LOC128125822: variants seen among roughly 807,000 people sequenced by gnomAD.
chr6:63,581,520 A>C, the LOC128125822 span: 3 of 152,432 alleles, frequency 2.0e-5, no homozygotes, highest in Non-Finnish European at 2.9e-5. Flanking sequence ...CACTTCACTT[A>C]ATGTGTGTCC....
chr6:63,579,360 ACT>A, the LOC128125822 span: 63 of 1,510,104 alleles, frequency 4.2e-5, no homozygotes, highest in East Asian at 2.6e-4. Flanking sequence ...TTTCATTTGT[ACT>A]CTCTTTCATT....
chr6:63,581,401 A>C, the LOC128125822 span: 1 of 152,592 alleles, frequency 6.6e-6, no homozygotes, highest in African/African-American at 2.4e-5. Flanking sequence ...CAGCTTGTAA[A>C]AACTTAGTGC....
At chr6:63,579,837 T>G in the LOC128125822 span, among the ~76,000 whole-genome samples, 1 of 152,172 alleles carries the variant, frequency 6.6e-6, no homozygotes, top group Non-Finnish European at 1.5e-5. Context: ...GAGTCGACTG[T>G]TGTAACCAAT....
chr6:63,578,688 G>T, the LOC128125822 span, among the ~76,000 whole-genome samples: 6 of 152,102 alleles, frequency 3.9e-5, no homozygotes, highest in African/African-American at 1.4e-4. Context: ...CTAAATAAAG[G>T]TGAAAAGCTA....
the LOC128125822 span, chr6:63,579,147 A>G: frequency 1.5e-6 from 2 of 1,375,344 alleles, no homozygotes; most frequent in Middle Eastern, 1.9e-4. Context: ...GGTATTACTT[A>G]AATAGGAAGG....
the LOC128125822 span, among the ~76,000 whole-genome samples, chr6:63,575,729 T>C: frequency 6.6e-6 from 1 of 152,198 alleles, no homozygotes; most frequent in African/African-American, 2.4e-5. Context: ...CTTTTTAGAT[T>C]CATAAGCATA....
At chr6:63,578,836 A>G in the LOC128125822 span, 1 of 1,361,486 alleles carries the variant, frequency 7.3e-7, no homozygotes. Flanking sequence ...TTAGAAATTT[A>G]GAATTATTAC....
At chr6:63,581,272 T>C in the LOC128125822 span, 1 of 152,612 alleles carries the variant, frequency 6.6e-6, no homozygotes, top group Non-Finnish European at 1.5e-5. Flanking sequence ...TGACAATTTG[T>C]TTTATTATGT....
chr6:63,572,937 G>A, the LOC128125822 span, among the ~76,000 whole-genome samples: 2 of 152,176 alleles, frequency 1.3e-5, no homozygotes, highest in Non-Finnish European at 2.9e-5. Flanking sequence ...GGGCTGCGGG[G>A]TGGCGGTTGG....
the LOC128125822 span, among the ~76,000 whole-genome samples, chr6:63,579,840 T>A: frequency 4.6e-5 from 7 of 152,198 alleles, no homozygotes; most frequent in African/African-American, 1.7e-4. Flanking sequence ...TCGACTGTTG[T>A]AACCAATACT....
the LOC128125822 span, among the ~76,000 whole-genome samples, chr6:63,575,249 T>C: frequency 6.6e-6 from 1 of 152,204 alleles, no homozygotes; most frequent in Non-Finnish European, 1.5e-5. Context: ...TTAAAACACT[T>C]TGGTAATGAG....
At chr6:63,579,105 A>G in the LOC128125822 span, 2 of 1,411,886 alleles carry the variant, frequency 1.4e-6, no homozygotes, top group African/African-American at 3.0e-5. Flanking sequence ...AAATTCTTAT[A>G]ATTTTTTAAT....
chr6:63,580,182 G>A, the LOC128125822 span: 2 of 1,586,176 alleles, frequency 1.3e-6, no homozygotes, highest in African/African-American at 1.3e-5. Flanking sequence ...TAAAATTGGG[G>A]TGCCTAATGC....
the LOC128125822 span, chr6:63,582,399 AAAT>A: frequency 6.6e-6 from 1 of 152,634 alleles, no homozygotes; most frequent in Admixed American, 6.5e-5. Context: ...ATGGTGCTAA[AAAT>A]AAATTAATTT....
At chr6:63,581,161 A>G in the LOC128125822 span, 1 of 151,796 alleles carries the variant, frequency 6.6e-6, no homozygotes, top group East Asian at 1.9e-4. Context: ...TTCCTTCCCA[A>G]CCTCTCTTGC....
At chr6:63,578,349 T>TA in the LOC128125822 span, 5 of 1,386,360 alleles carry the variant, frequency 3.6e-6, no homozygotes, top group South Asian at 5.2e-5. Flanking sequence ...CCAGCATACT[T>TA]ACTGATCAGA....
At chr6:63,572,613 ACCACCGCCGCCTCCTGCCCTGCAG>A in the LOC128125822 span, 1 of 419,746 alleles carries the variant, frequency 2.4e-6, no homozygotes, top group South Asian at 1.1e-4. Context: ...CTCCGCCACG[ACCACCGCCGCCTCCTGCCCTGCAG>A]CCACCGCCAC....
the LOC128125822 span, chr6:63,580,181 G>T: frequency 6.3e-7 from 1 of 1,585,988 alleles, no homozygotes; most frequent in Non-Finnish European, 8.7e-7. Context: ...ATAAAATTGG[G>T]GTGCCTAATG....
the LOC128125822 span, among the ~76,000 whole-genome samples, chr6:63,578,224 A>G: frequency 3.9e-4 from 59 of 152,328 alleles, no homozygotes; most frequent in Non-Finnish European, 2.4e-4. Context: ...AAAAATATGT[A>G]TGGTATTTAA....
Sources: allele counts gnomAD v4.1 joint callset (sites outside exome capture counted in the v4.1 genomes callset), GRCh38; gene constraint gnomAD v4.1.1; transcripts MANE v1.5.